Variants in ILK observed in about 807,000 individuals in gnomAD.
ILK encodes scaffold protein ILK.
Under a neutral mutation model 57.8 loss-of-function variants are expected in ILK, and 37 were observed. That is an observed-to-expected ratio of 0.64 (90% CI 0.49 to 0.84). The LOEUF (loss-of-function observed/expected upper bound fraction) is 0.84. Ranked by LOEUF, ILK falls within the 40% of genes least tolerant of loss-of-function variation. The pLI, the probability that ILK is intolerant of heterozygous loss-of-function variation, is 0.00. For synonymous variants in ILK, 231 were observed against 202.2 expected (o/e 1.14, Z -1.21); for missense variants, 528 against 595.7 (o/e 0.89, Z 1.18).
At position 6,604,525 on chromosome 11, in the gene ILK, G is replaced by C. The variant is rs1003875386; in HGVS notation, c.89+165G>C. 10 of 700,226 alleles carry C rather than the reference G, an allele frequency of 1.4e-5. No individual in the cohort carries two copies. The Admixed American group carries it at 1.6e-4, about 11-fold the overall frequency. 43.4% of individuals were successfully genotyped at this position (700,226 alleles called of 1,614,324 possible). A position where few individuals can be genotyped will look rare whatever the true frequency, so the allele number is the denominator to read the frequency against. On this transcript the variant is annotated intron_variant, in intron 2 of 12. Coordinates refer to ENST00000299421, the MANE Select transcript of ILK (RefSeq NM_004517.4). The stretch of plus-strand genomic sequence containing the variant: ...GGTTTTCACAGAGGACGCAGTTTGA[G>C]CTGAATCTTGACTGCAGAATAAGAG...
In ILK at chr11:6,608,330, C is replaced by T; in HGVS notation, c.256-64C>T. 1 of 1,570,824 alleles carries T rather than the reference C, an allele frequency of 6.4e-7. No individual in the cohort carries two copies. Among genetic ancestry groups the T allele is most frequent in the Non-Finnish European group, 8.8e-7 (1 of 1,140,694 alleles). ...TCCCCCTTTTCCCATGCCCTGACAC[C>T]AGTATCTCATTTGGAACTGACTGTA... is the stretch of plus-strand genomic sequence containing the variant. On this transcript the variant is annotated intron_variant, in intron 3 of 12. Coordinates refer to ENST00000299421, the MANE Select transcript of ILK (RefSeq NM_004517.4). This position sits in a 1 kb window ranked among gnomAD's most constrained non-coding sequence, Gnocchi z 4.9.
chr11:6,604,492 G>A, intron 2 of ILK, 132 bp downstream of exon 2: 2 of 799,478 alleles, frequency 2.5e-6, no homozygotes, highest in South Asian at 1.4e-5. Context: ...AGCCTGTGGG[G>A]GGCAGAGGGT....
intron 2 of ILK, chr11:6,606,306 ATTCT>A (rs1434226723): frequency 4.6e-5 from 7 of 152,252 alleles, no homozygotes; most frequent in Admixed American, 1.3e-4. Context: ...GCAAAATCAA[ATTCT>A]TTATTTTTTA....
In ILK at chr11:6,608,377, C is replaced by T. The variant is rs757633021; in HGVS notation, c.256-17C>T. ...TGTACTTTCTGCCTCTTCTTTTTGT[C>T]TGGCCATGGGGTCCAGCTATTGCAG... On this transcript the variant is annotated splice_polypyrimidine_tract_variant and intron_variant, in intron 3 of 12. Coordinates refer to ENST00000299421, the MANE Select transcript of ILK (RefSeq NM_004517.4). This position sits in a 1 kb window ranked among gnomAD's most constrained non-coding sequence, Gnocchi z 4.9. 6.2e-7 allele frequency: 1 copy of T among 1,610,920 alleles called. No individual in the cohort carries two copies. The highest frequency in any genetic ancestry group is 2.2e-5 in the East Asian group (1 of 44,868).
intron 2 of ILK, among the ~76,000 whole-genome samples, chr11:6,605,220 T>A (rs1012844834): frequency 1.3e-5 from 2 of 152,094 alleles, no homozygotes; most frequent in Non-Finnish European, 2.9e-5. Flanking sequence ...AGACACAGAT[T>A]TGAGAGCTAT....
At chr11:6,610,338 T>C (rs1855376828) in intron 12 of ILK, 60 bp downstream of exon 12, 2 of 1,613,662 alleles carry the variant, frequency 1.2e-6, no homozygotes, top group Non-Finnish European at 1.7e-6. Context: ...TGAAAATAAC[T>C]GTAGTGGGCC....
At chr11:6,606,714 C>A (rs1026632870) in intron 2 of ILK, 1 of 152,170 alleles carries the variant, frequency 6.6e-6, no homozygotes, top group Non-Finnish European at 1.5e-5. Context: ...GGGGTTAATT[C>A]CTTGCAGGTC....
chr11:6,604,889 G>A, intron 2 of ILK: 2 of 456,434 alleles, frequency 4.4e-6, no homozygotes, highest in Non-Finnish European at 8.8e-6. Context: ...CAGGTGGAAA[G>A]GAGGCAATTG....
chr11:6,610,119 G>T lies in ILK; in HGVS notation c.1079-29G>T, dbSNP rs778153405. The T allele has an allele frequency of 2.5e-6, 4 of 1,614,176 alleles. No individual in the cohort carries two copies. The South Asian group carries it at 4.4e-5, about 18-fold the overall frequency. Reference sequence around the variant, plus strand: ...GGGCAGAGACAGGACAGGCAAGGGGGCCAGAACAGACAAGCCCTATCTCTC... The same window carrying T: ...GGGCAGAGACAGGACAGGCAAGGGGTCCAGAACAGACAAGCCCTATCTCTC... On this transcript the variant is annotated intron_variant, in intron 11 of 12. Coordinates refer to ENST00000299421, the MANE Select transcript of ILK (RefSeq NM_004517.4).
Position 6,608,310 on chromosome 11 carries a change from CT to C in ILK, c.256-80del. The C allele has an allele frequency of 3.8e-6, 6 of 1,567,914 alleles. No individual in the cohort carries two copies. The highest frequency in any genetic ancestry group is 1.4e-5 in the African/African-American group (1 of 74,072). On this transcript the variant is annotated intron_variant, in intron 3 of 12. Transcript: ENST00000299421. This position sits in a 1 kb window ranked among gnomAD's most constrained non-coding sequence, Gnocchi z 4.9. The stretch of plus-strand genomic sequence containing the variant: ...GTAGAAAGCATGTGTGCTCTTCCCC[CT>C]TTTCCCATGCCCTGACACCAGTATC...
At chr11:6,604,505 TCA>T in intron 2 of ILK, 145 bp downstream of exon 2, 1 of 745,434 alleles carries the variant, frequency 1.3e-6, no homozygotes, top group East Asian at 2.7e-5. Context: ...CAGAGGGTTT[TCA>T]CAGAGGACGC....
In ILK at chr11:6,609,346, G is replaced by A. The variant is rs1855267671; in HGVS notation, c.666G>A (p.Leu222=). ...WQGNDIVVKV[L]KVRDWSTRKS... ...GCAATGACATTGTCGTGAAGGTGCTGAAGGTTCGAGACTGGAGTACAAGGA... is the reference window on the plus strand; with the variant it reads ...GCAATGACATTGTCGTGAAGGTGCTAAAGGTTCGAGACTGGAGTACAAGGA... The change falls in exon 8 of 13, where the codon CTG becomes CTA. Residue 222 remains leucine, a synonymous_variant. Transcript: ENST00000299421. 1.2e-6 allele frequency: 2 copies of A among 1,614,172 alleles called. No homozygotes were observed. The highest frequency in any genetic ancestry group is 1.7e-6 in the Non-Finnish European group (2 of 1,180,032).
At chr11:6,607,229 C>T (rs1362718252) in intron 2 of ILK, 2 of 152,390 alleles carry the variant, frequency 1.3e-5, no homozygotes, top group African/African-American at 4.8e-5. Flanking sequence ...CAGGCAGGCC[C>T]AGCTCCAAAC....
At chr11:6,610,426 C>T (rs1051899332) in intron 12 of ILK, 36 bp from the exon 13 acceptor site, 2 of 1,613,992 alleles carry the variant, frequency 1.2e-6, no homozygotes, top group Admixed American at 1.7e-5. Context: ...ATGACAGACT[C>T]AAATTGTGAG....
At chr11:6,607,590 C>G (rs777818734) in intron 2 of ILK, 2 of 234,160 alleles carry the variant, frequency 8.5e-6, no homozygotes, top group Admixed American at 5.2e-5. Context: ...CACTAACATG[C>G]ACTGAACAGC....
At chr11:6,609,048 A>C (rs757344761) in intron 6 of ILK, 23 bp from the exon 7 acceptor site, 6 of 1,612,232 alleles carry the variant, frequency 3.7e-6, no homozygotes, top group Non-Finnish European at 4.2e-6. Context: ...GAAGCTGGGT[A>C]CCTGACCTGC....
At chr11:6,604,692 G>C in intron 2 of ILK, 1 of 482,538 alleles carries the variant, frequency 2.1e-6, no homozygotes, top group Non-Finnish European at 3.8e-6. Context: ...TCTGTGGGTC[G>C]GAGCATTGGG....
At chr11:6,604,104 C>T (rs1241645275) in intron 1 of ILK, 76 bp from the exon 2 acceptor site, 17 of 680,104 alleles carry the variant, frequency 2.5e-5, no homozygotes, top group Middle Eastern at 3.9e-4. Context: ...CAGCCCCGAA[C>T]TCCTTCACAG....
rs750957554 is a variant in ILK at position 6,608,381 on chromosome 11, C to A, written c.256-13C>A. Reference sequence around the variant, plus strand: ...CTTTCTGCCTCTTCTTTTTGTCTGGCCATGGGGTCCAGCTATTGCAGTACA... The same window carrying A: ...CTTTCTGCCTCTTCTTTTTGTCTGGACATGGGGTCCAGCTATTGCAGTACA... On this transcript the variant is annotated splice_polypyrimidine_tract_variant and intron_variant, in intron 3 of 12. Coordinates refer to ENST00000299421, the MANE Select transcript of ILK (RefSeq NM_004517.4). The surrounding 1 kb of genome is among the most constrained non-coding windows in gnomAD (Gnocchi z 4.9). 6.2e-7 allele frequency: 1 copy of A among 1,611,736 alleles called. No individual in the cohort carries two copies. The highest frequency in any genetic ancestry group is 1.7e-5 in the Admixed American group (1 of 60,030).
Sources: allele counts gnomAD v4.1 joint callset (sites outside exome capture counted in the v4.1 genomes callset), GRCh38; gene constraint gnomAD v4.1.1; non-coding constraint Gnocchi (gnomAD v3.1); transcripts MANE v1.5; gene names NCBI Gene and HGNC (gene_info 2026-07-23, HGNC 2026-07-21).